Variants in HP1BP3 observed in about 807,000 individuals in gnomAD.
HP1BP3 encodes heterochromatin protein 1 binding protein 3, also known as heterochromatin protein 1-binding protein 3.
In HP1BP3, 12 loss-of-function variants were observed where a neutral mutation model predicts 62.5. The observed-to-expected ratio is 0.19, with a 90% CI of 0.12 to 0.31. The LOEUF (loss-of-function observed/expected upper bound fraction) is 0.31, where lower values mean the gene tolerates loss of function less well. Ranked by LOEUF, HP1BP3 falls within the 10% of genes least tolerant of loss-of-function variation. The probability of loss-of-function intolerance (pLI) is 1.00; values close to 1 mark genes in which losing one functional copy is unlikely to be tolerated. For synonymous variants in HP1BP3, 260 were observed against 237.8 expected, an observed-to-expected ratio of 1.09 and a Z score of -0.86; for missense variants, 502 against 651.8, an observed-to-expected ratio of 0.77 and a Z score of 2.50.
rs2055197858 is a variant in HP1BP3, at chr1:20,744,708, T to C, written c.*89A>G. 2 of 1,226,624 alleles carry C rather than the reference T, an allele frequency of 1.6e-6. No homozygotes were observed. Among genetic ancestry groups the C allele is most frequent in the South Asian group, 1.5e-5 (1 of 67,550 alleles). The allele number at this position is 1,226,624 out of a possible 1,614,324, so 76.0% of individuals were successfully genotyped here. A position where few individuals can be genotyped will look rare whatever the true frequency, so the allele number is the denominator to read the frequency against. ...TCATAGGGGAGGAAAATAATGTAAT[T>C]TGAAAAGCATCAAAACTAAACAAAT... On this transcript the variant is annotated 3_prime_UTR_variant, in exon 13 of 13. Coordinates refer to ENST00000438032, the MANE Select transcript of HP1BP3 (RefSeq NM_001372052.1).
At position 20,744,928 on chromosome 1, in the gene HP1BP3, G is replaced by A. The variant is rs192094502; in HGVS notation, c.1531C>T (p.Pro511Ser). 25 of 1,614,176 alleles carry A rather than the reference G, an allele frequency of 1.5e-5. 1 individual carries two copies. The East Asian group carries it at 5.1e-4, about 33-fold the overall frequency. The change falls in exon 13 of 13, where the codon CCC (proline) becomes TCC (serine). Residue 511 changes from proline to serine, a missense_variant. Pro to Ser is a moderately conservative substitution (Grantham distance 74). Around this residue, in one of 5 missense-constraint regions of HP1BP3, gnomAD observed 194 missense variants for 207.0 expected, o/e 0.94. Coordinates refer to ENST00000438032, the MANE Select transcript of HP1BP3 (RefSeq NM_001372052.1). ...KAKTPAKKTR[P>S]SSTVIKKPSG... ...GGTTTCTTGATGACTGTGGATGAGGGTCTGGTCTTCTTGGCAGGCGTTTTG... is the reference window on the plus strand; with the variant it reads ...GGTTTCTTGATGACTGTGGATGAGGATCTGGTCTTCTTGGCAGGCGTTTTG...
intron 7 of HP1BP3, 42 bp downstream of exon 7, chr1:20,767,542 T>C (rs972571572): frequency 7.9e-7 from 1 of 1,266,258 alleles, no homozygotes. Flanking sequence ...TTAGTAGCAG[T>C]AACAGCTCCA....
intron 1 of HP1BP3, among the ~76,000 whole-genome samples, chr1:20,784,316 C>A (rs1294236312): frequency 6.6e-6 from 1 of 152,092 alleles, no homozygotes; most frequent in Non-Finnish European, 1.5e-5. Context: ...TCTGAATGAT[C>A]AAATTTTGAG....
intron 7 of HP1BP3, among the ~76,000 whole-genome samples, chr1:20,766,607 G>C (rs2056796480): frequency 6.6e-6 from 1 of 152,150 alleles, no homozygotes; most frequent in Non-Finnish European, 1.5e-5. Flanking sequence ...AGAAAAATTG[G>C]ATCTGGGTAT....
chr1:20,780,491 G>GT lies in HP1BP3; in HGVS notation c.-52dup. 7.7e-7 allele frequency: 1 copy of GT among 1,296,358 alleles called. No homozygotes were observed. Among genetic ancestry groups the GT allele is most frequent in the Non-Finnish European group, 1.1e-6 (1 of 892,016 alleles). 80.3% of individuals were successfully genotyped at this position (1,296,358 alleles called of 1,614,324 possible). On this transcript the variant is annotated 5_prime_UTR_variant, in exon 2 of 13. Coordinates refer to ENST00000438032, the MANE Select transcript of HP1BP3 (RefSeq NM_001372052.1). Reference sequence around the variant, plus strand: ...CAGGTTACACTCTGAAGCCTCTGCTGTTAACCACAAGGATTTTTCCTAATG... The same window carrying GT: ...CAGGTTACACTCTGAAGCCTCTGCTGTTTAACCACAAGGATTTTTCCTAATG...
At chr1:20,769,506 T>G (rs2056953008) in intron 6 of HP1BP3, among the ~76,000 whole-genome samples, 1 of 152,100 alleles carries the variant, frequency 6.6e-6, no homozygotes, top group Non-Finnish European at 1.5e-5. Flanking sequence ...TGCGGTGAGC[T>G]GACATTGCAC....
At chr1:20,754,550 T>C (rs2055982398) in intron 9 of HP1BP3, among the ~76,000 whole-genome samples, 1 of 152,092 alleles carries the variant, frequency 6.6e-6, no homozygotes, top group South Asian at 2.1e-4. Context: ...CTGAAAAAGT[T>C]AGAGGGCTTA....
intron 9 of HP1BP3, among the ~76,000 whole-genome samples, chr1:20,754,552 G>C (rs1438907953): frequency 2.0e-5 from 3 of 151,922 alleles, no homozygotes. Flanking sequence ...GAAAAAGTTA[G>C]AGGGCTTATA....
At chr1:20,764,667 A>G (rs1277675444) in intron 8 of HP1BP3, among the ~76,000 whole-genome samples, 3 of 149,940 alleles carry the variant, frequency 2.0e-5, no homozygotes, top group South Asian at 2.1e-4. Context: ...AGGATCTTAC[A>G]AAGAAAGATA....
chr1:20,754,915 T>C (rs2056007918), intron 9 of HP1BP3, among the ~76,000 whole-genome samples: 1 of 152,176 alleles, frequency 6.6e-6, no homozygotes, highest in Non-Finnish European at 1.5e-5. Flanking sequence ...CAATGTTTCT[T>C]AGATAACCAT....
chr1:20,761,219 G>T (rs1283972572), intron 8 of HP1BP3, among the ~76,000 whole-genome samples: 1 of 151,896 alleles, frequency 6.6e-6, no homozygotes. Flanking sequence ...TAATTTTTTT[G>T]TATTTTTAGT....
chr1:20,787,185 C>G lies in HP1BP3; in HGVS notation c.-101+10G>C, dbSNP rs985049886. 5.9e-5 allele frequency: 9 copies of G among 151,820 alleles called. No homozygotes were observed. The highest frequency in any genetic ancestry group is 5.9e-4 in the Admixed American group (9 of 15,244). 9.4% of individuals were successfully genotyped at this position (151,820 alleles called of 1,614,324 possible). A position where few individuals can be genotyped will look rare whatever the true frequency, so the allele number is the denominator to read the frequency against. ...CCCACTCCCCGGCCGCCTGTTCGGT[C>G]CTGCGTTACCTCTGCGTTCGGCCGG... On this transcript the variant is annotated intron_variant, in intron 1 of 12. Transcript: ENST00000438032.
chr1:20,779,747 T>A (rs1297063233), intron 3 of HP1BP3, 65 bp downstream of exon 3: 2 of 1,037,118 alleles, frequency 1.9e-6, no homozygotes, highest in Admixed American at 5.1e-5. Flanking sequence ...CAAAGGAATT[T>A]ATGGGACACT....
At chr1:20,772,433 T>C (rs896279609) in intron 5 of HP1BP3, among the ~76,000 whole-genome samples, 1 of 152,242 alleles carries the variant, frequency 6.6e-6, no homozygotes, top group African/African-American at 2.4e-5. Flanking sequence ...AGTGAAATCC[T>C]TGAAGAAAGG....
chr1:20,745,436 T>C, intron 12 of HP1BP3, 107 bp downstream of exon 12: 2 of 1,320,200 alleles, frequency 1.5e-6, no homozygotes. Flanking sequence ...TTGAGAAGGA[T>C]CCTGAGTTTC....
Position 20,744,685 on chromosome 1 carries a change from A to C in HP1BP3, c.*112T>G. ...TTTAGAGTCCCTCCCCACAATGTTC[A>C]TAGGGGAGGAAAATAATGTAATTTG... On this transcript the variant is annotated 3_prime_UTR_variant, in exon 13 of 13. Coordinates refer to ENST00000438032, the MANE Select transcript of HP1BP3 (RefSeq NM_001372052.1). 1 of 1,024,260 alleles carries C rather than the reference A, an allele frequency of 9.8e-7. No individual in the cohort carries two copies. Among genetic ancestry groups the C allele is most frequent in the Non-Finnish European group, 1.4e-6 (1 of 708,472 alleles). 63.4% of individuals were successfully genotyped at this position (1,024,260 alleles called of 1,614,324 possible). A position where few individuals can be genotyped will look rare whatever the true frequency, so the allele number is the denominator to read the frequency against.
chr1:20,776,251 G>A, intron 4 of HP1BP3: 1 of 435,380 alleles, frequency 2.3e-6, no homozygotes, highest in East Asian at 3.6e-5. Context: ...ATAGTGAAAT[G>A]TCTTCTAGGT....
At chr1:20,775,147 G>A (rs567601335) in intron 4 of HP1BP3, 1 of 152,162 alleles carries the variant, frequency 6.6e-6, no homozygotes, top group Admixed American at 6.5e-5. Flanking sequence ...CCTCAAGCAG[G>A]TCCTTCAGAA....
At chr1:20,767,773 T>G (rs2056856217) in intron 6 of HP1BP3, 109 bp from the exon 7 acceptor site, 2 of 642,156 alleles carry the variant, frequency 3.1e-6, no homozygotes, top group Non-Finnish European at 5.2e-6. Context: ...GTTTACTTCT[T>G]CAGAGAAAAA....
Sources: gnomAD v4.1 joint callset for allele counts (sites outside exome capture counted in the v4.1 genomes callset) on GRCh38, gnomAD v4.1.1 for gene constraint, gnomAD v4.1.1 regional missense constraint, MANE v1.5 for transcripts, NCBI Gene and HGNC (gene_info 2026-07-23, HGNC 2026-07-21) for gene names.